Variants in SORCS3 observed in about 807,000 individuals in gnomAD.
The protein encoded by SORCS3 is VPS10 domain-containing receptor SorCS3.
In SORCS3, 57 loss-of-function variants were observed where a neutral mutation model predicts 146.3. The ratio of observed to expected loss-of-function variants is 0.39; its 90% CI spans 0.31 to 0.49. The LOEUF (loss-of-function observed/expected upper bound fraction) is 0.49. Ranked by LOEUF, SORCS3 falls within the 20% of genes least tolerant of loss-of-function variation. The pLI is 0.92. For synonymous variants in SORCS3, 653 were observed against 618.5 expected, an observed-to-expected ratio of 1.06 and a Z score of -0.83; for missense variants, 1,341 against 1,575.5, an observed-to-expected ratio of 0.85 and a Z score of 2.52.
At chr10:105,153,536 G>A (rs1233367124) in intron 9 of SORCS3, among the ~76,000 whole-genome samples, 1 of 152,088 alleles carries the variant, frequency 6.6e-6, no homozygotes, top group African/African-American at 2.4e-5. Flanking sequence ...GTGGCTGTGG[G>A]ATTTTGCATT....
chr10:105,147,858 A>G (rs2056143104), intron 9 of SORCS3, 62 bp downstream of exon 9: 11 of 1,430,310 alleles, frequency 7.7e-6, no homozygotes, highest in Non-Finnish European at 9.6e-6. Context: ...TTTTAATGGT[A>G]TAAACACAAG....
intron 1 of SORCS3, among the ~76,000 whole-genome samples, chr10:104,776,402 T>C (rs750010363): frequency 2.0e-5 from 3 of 152,178 alleles, no homozygotes; most frequent in Non-Finnish European, 4.4e-5. Context: ...GCAAGGGTAG[T>C]CGGGGCTGGC....
At chr10:105,222,965 G>A (rs1026735587) in intron 19 of SORCS3, 151 bp from the exon 20 acceptor site, 64 of 723,876 alleles carry the variant, frequency 8.8e-5, no homozygotes, top group African/African-American at 4.3e-4. Flanking sequence ...CATTTCAAGC[G>A]TGTATACACA....
chr10:105,121,292 A>G (rs1198194916), intron 7 of SORCS3, among the ~76,000 whole-genome samples: 3 of 152,160 alleles, frequency 2.0e-5, no homozygotes, highest in Non-Finnish European at 2.9e-5. Context: ...GCATGTGTGC[A>G]TTTTATTTTA....
At chr10:105,247,180 ACTCT>A (rs1468701519) in intron 21 of SORCS3, 35 bp from the exon 22 acceptor site, 1 of 1,219,070 alleles carries the variant, frequency 8.2e-7, no homozygotes, top group Non-Finnish European at 1.2e-6. Flanking sequence ...CTCTCTTCTC[ACTCT>A]CCCAGCCTCA....
At chr10:105,165,810 C>G (rs1286083119) in intron 12 of SORCS3, among the ~76,000 whole-genome samples, 4 of 152,100 alleles carry the variant, frequency 2.6e-5, no homozygotes, top group African/African-American at 9.7e-5. Context: ...TTTTTCTTTC[C>G]TCCTTTCATA....
intron 7 of SORCS3, among the ~76,000 whole-genome samples, chr10:105,115,370 A>G (rs1190441870): frequency 6.6e-6 from 1 of 152,212 alleles, no homozygotes; most frequent in Non-Finnish European, 1.5e-5. Context: ...ACTAATCCAC[A>G]TGCAAAAATC....
intron 2 of SORCS3, among the ~76,000 whole-genome samples, chr10:104,853,500 T>C (rs1251452656): frequency 6.6e-6 from 1 of 152,192 alleles, no homozygotes; most frequent in Non-Finnish European, 1.5e-5. Flanking sequence ...AGTGACAAAA[T>C]TCTAGGAATC....
intron 1 of SORCS3, among the ~76,000 whole-genome samples, chr10:104,787,411 G>C (rs2017451344): frequency 6.6e-6 from 1 of 152,216 alleles, no homozygotes; most frequent in Non-Finnish European, 1.5e-5. Context: ...ACTTCTGTTA[G>C]GTCTGCATTG....
chr10:104,825,237 A>G (rs1468757945), intron 1 of SORCS3, among the ~76,000 whole-genome samples: 8 of 152,186 alleles, frequency 5.3e-5, no homozygotes, highest in African/African-American at 1.4e-4. Flanking sequence ...CTGACGGCTT[A>G]CTGTGTGCCT....
chr10:105,195,378 AT>A (rs1308287219), intron 14 of SORCS3, among the ~76,000 whole-genome samples: 1 of 152,162 alleles, frequency 6.6e-6, no homozygotes, highest in Non-Finnish European at 1.5e-5. Context: ...CTCAGTGTTC[AT>A]CACTCCAAAG....
At chr10:104,897,600 G>A (rs56334582) in intron 2 of SORCS3, among the ~76,000 whole-genome samples, 6,458 of 152,242 alleles carry the variant, frequency 0.042, 176 homozygotes, top group East Asian at 0.14. Context: ...TTGTTGGTAC[G>A]ATTCCCCTGC....
intron 3 of SORCS3, among the ~76,000 whole-genome samples, chr10:104,920,484 A>G (rs2019076324): frequency 1.3e-5 from 2 of 152,214 alleles, no homozygotes; most frequent in African/African-American, 4.8e-5. Flanking sequence ...CTACTATCCT[A>G]AACTCCCTTT....
chr10:104,894,776 A>G (rs1352753778), intron 2 of SORCS3, among the ~76,000 whole-genome samples: 1 of 152,144 alleles, frequency 6.6e-6, no homozygotes, highest in Non-Finnish European at 1.5e-5. Flanking sequence ...GGGAATGGAA[A>G]AGGAGAAGGA....
chr10:105,249,297 A>G (rs1444962066), intron 22 of SORCS3, among the ~76,000 whole-genome samples: 30 of 152,216 alleles, frequency 2.0e-4, no homozygotes, highest in Non-Finnish European at 1.2e-4. Flanking sequence ...AGGAGGGTTG[A>G]AAATATGGAT....
chr10:104,980,259 G>T (rs1202018750), intron 4 of SORCS3, among the ~76,000 whole-genome samples: 2 of 152,140 alleles, frequency 1.3e-5, no homozygotes, highest in Admixed American at 6.5e-5. Flanking sequence ...GCGTAAAGTG[G>T]CTGAATGTTC....
At chr10:105,250,858 G>A (rs116043591) in intron 22 of SORCS3, among the ~76,000 whole-genome samples, 1,696 of 152,200 alleles carry the variant, frequency 0.011, 36 homozygotes, top group African/African-American at 0.039. Flanking sequence ...ACTTCCCTGC[G>A]GGCTGGCTCT....
chr10:105,037,514 A>G (rs1021415678), intron 4 of SORCS3, among the ~76,000 whole-genome samples: 2 of 152,192 alleles, frequency 1.3e-5, no homozygotes, highest in Admixed American at 1.3e-4. Context: ...TTGCTGGTTT[A>G]GAAAACATGT....
intron 20 of SORCS3, among the ~76,000 whole-genome samples, chr10:105,238,398 T>C (rs1318529696): frequency 2.6e-5 from 4 of 152,126 alleles, no homozygotes; most frequent in African/African-American, 9.7e-5. Context: ...TGGGGAGTGA[T>C]GGATATGCAG....
Sources: allele counts gnomAD v4.1 joint callset (sites outside exome capture counted in the v4.1 genomes callset), GRCh38; gene constraint gnomAD v4.1.1; transcripts MANE v1.5; gene names NCBI Gene and HGNC (gene_info 2026-07-23, HGNC 2026-07-21).